Variants in ZNHIT3 observed in about 807,000 individuals in gnomAD.
ZNHIT3 encodes zinc finger HIT-type containing 3.
ZNHIT3 carries 27 observed loss-of-function variants against 19.9 expected under a neutral mutation model. The ratio of observed to expected loss-of-function variants is 1.36; its 90% CI spans 1.00 to 1.87. The LOEUF (loss-of-function observed/expected upper bound fraction) is 1.87. Ranked by LOEUF, ZNHIT3 falls within the 40% of genes most tolerant of loss-of-function variation. The probability of loss-of-function intolerance (pLI) is 0.00; values close to 1 mark genes in which losing one functional copy is unlikely to be tolerated. For missense variants in ZNHIT3, 215 were observed against 185.6 expected (o/e 1.16, Z -0.92); for synonymous variants, 81 against 65.7 (o/e 1.23, Z -1.13).
Position 36,493,998 on chromosome 17 carries a change from A to G in ZNHIT3, c.278A>G (p.Lys93Arg), listed in dbSNP as rs1415977522. ...GACAGAGTTTCTTTGCAGAATTTAAAGAATTTAGGTAAGTCTGTGCTATGC... is the reference window on the plus strand; with the variant it reads ...GACAGAGTTTCTTTGCAGAATTTAAGGAATTTAGGTAAGTCTGTGCTATGC... ...EEDRVSLQNL[K>R]NLGESATLRS... The change falls in exon 4 of 5, where the codon AAG becomes AGG. Residue 93 changes from lysine to arginine, a missense_variant. By Grantham distance (26) the Lys-to-Arg change is conservative (BLOSUM62 2). Coordinates refer to ENST00000617429, the MANE Select transcript of ZNHIT3 (RefSeq NM_004773.4). 27 of 1,610,676 alleles carry G rather than the reference A, an allele frequency of 1.7e-5. No homozygotes were observed. Among genetic ancestry groups the G allele is most frequent in the Non-Finnish European group, 2.3e-5 (27 of 1,177,046 alleles).
chr17:36,494,129 C>A, intron 4 of ZNHIT3, 123 bp downstream of exon 4: 1 of 685,730 alleles, frequency 1.5e-6, no homozygotes, highest in Non-Finnish European at 2.5e-6. Flanking sequence ...ACTATCTAGC[C>A]ACATAATCTG....
intron 2 of ZNHIT3, chr17:36,492,267 C>T (rs1462025345): frequency 6.5e-6 from 1 of 153,892 alleles, no homozygotes; most frequent in Non-Finnish European, 1.4e-5. Flanking sequence ...CCTGCCTCAG[C>T]CTCCCAAGTA....
chr17:36,488,217 C>T (rs1159677742), intron 2 of ZNHIT3, among the ~76,000 whole-genome samples: 1 of 151,562 alleles, frequency 6.6e-6, no homozygotes, highest in Non-Finnish European at 1.5e-5. Flanking sequence ...CCAACATCCT[C>T]ATTTGAGTTT....
At chr17:36,497,635 A>C, downstream of ZNHIT3, 1 of 761,138 alleles carries the variant, frequency 1.3e-6, no homozygotes, top group Non-Finnish European at 1.6e-6. Context: ...CCCAGGCTGG[A>C]GTGCAGCGGC....
intron 3 of ZNHIT3, chr17:36,493,265 GCTTT>G (rs1774824278): frequency 3.4e-6 from 1 of 292,624 alleles, no homozygotes; most frequent in Non-Finnish European, 6.4e-6. Flanking sequence ...CAGGCAGGAG[GCTTT>G]CTTTGTCCTA....
At chr17:36,498,829 A>G (rs539674899), downstream of ZNHIT3, 3 of 594,150 alleles carry the variant, frequency 5.0e-6, no homozygotes, top group East Asian at 2.8e-5. Flanking sequence ...CCAGTCTTCT[A>G]AAGTGTACAT....
downstream of ZNHIT3, chr17:36,496,356 G>T (rs1346084708): frequency 6.8e-6 from 11 of 1,613,884 alleles, no homozygotes; most frequent in Non-Finnish European, 9.3e-6. Context: ...GTTCAGGGCA[G>T]ATGTCAGCAT....
At chr17:36,498,981 T>C, downstream of ZNHIT3, 1 of 1,003,526 alleles carries the variant, frequency 1.0e-6, no homozygotes, top group Non-Finnish European at 1.5e-6. Flanking sequence ...CAAGGCCACC[T>C]GCATTGCAGT....
chr17:36,493,600 T>C (rs1252660372), intron 3 of ZNHIT3, among the ~76,000 whole-genome samples: 1 of 152,232 alleles, frequency 6.6e-6, no homozygotes, highest in Non-Finnish European at 1.5e-5. Flanking sequence ...GTTGGAGCCA[T>C]GTTGAGGTGG....
At position 36,493,879 on chromosome 17, in the gene ZNHIT3, A is replaced by G. The variant is rs1287566794; in HGVS notation, c.206-47A>G. ...AAGTAGTGGTTAAAATCTGGTGCCC[A>G]GGCCTCCTTTTTAGCCATGAGCCAT... On this transcript the variant is annotated intron_variant, in intron 3 of 4. Coordinates refer to ENST00000617429, the MANE Select transcript of ZNHIT3 (RefSeq NM_004773.4). The G allele has an allele frequency of 2.9e-6, 4 of 1,380,564 alleles. No individual in the cohort carries two copies. The East Asian group carries it at 6.9e-5, about 24-fold the overall frequency. 85.5% of individuals were successfully genotyped at this position (1,380,564 alleles called of 1,614,324 possible).
At chr17:36,491,807 C>T (rs989348836) in intron 2 of ZNHIT3, 17 of 152,188 alleles carry the variant, frequency 1.1e-4, no homozygotes, top group Admixed American at 7.9e-4. Context: ...TCCTTCAGTC[C>T]CTCCTGCTGT....
chr17:36,487,162 C>T (rs1043698200), intron 2 of ZNHIT3, among the ~76,000 whole-genome samples, 196 bp downstream of exon 2: 1 of 152,158 alleles, frequency 6.6e-6, no homozygotes, highest in South Asian at 2.1e-4. Context: ...TCTGTTGTCC[C>T]TGCCTGTAAT....
chr17:36,494,946 G>GT (rs754986144), intron 4 of ZNHIT3, among the ~76,000 whole-genome samples: 2 of 152,138 alleles, frequency 1.3e-5, no homozygotes, highest in Non-Finnish European at 2.9e-5. Context: ...CCAAGAACTG[G>GT]TATCTGTTAC....
chr17:36,490,433 A>G (rs1247643018), intron 2 of ZNHIT3: 1 of 152,102 alleles, frequency 6.6e-6, no homozygotes, highest in Non-Finnish European at 1.5e-5. Context: ...ATTCTGTTCC[A>G]TTGATCTATG....
At chr17:36,498,646 A>T (rs766751655), downstream of ZNHIT3, 242 of 1,421,386 alleles carry the variant, frequency 1.7e-4, no homozygotes, top group Middle Eastern at 2.3e-4. Flanking sequence ...TTAACAAATC[A>T]TCTTAACAAG....
chr17:36,487,686 G>A (rs1324249861), intron 2 of ZNHIT3, among the ~76,000 whole-genome samples: 1 of 152,106 alleles, frequency 6.6e-6, no homozygotes, highest in East Asian at 1.9e-4. Flanking sequence ...AGCTACTCAG[G>A]AGGCTGAGGC....
downstream of ZNHIT3, chr17:36,495,950 T>G: frequency 2.1e-6 from 2 of 961,818 alleles, no homozygotes; most frequent in Non-Finnish European, 2.7e-6. Context: ...CCCAGTGTAG[T>G]GACAGACAGT....
At position 36,495,658 on chromosome 17, in the gene ZNHIT3, T is replaced by G; in HGVS notation, c.*254T>G. 7.8e-7 allele frequency: 1 copy of G among 1,289,454 alleles called. No homozygotes were observed. The highest frequency in any genetic ancestry group is 9.8e-7 in the Non-Finnish European group (1 of 1,022,038). The allele number at this position is 1,289,454 out of a possible 1,614,324, so 79.9% of individuals were successfully genotyped here. On this transcript the variant is annotated 3_prime_UTR_variant, in exon 5 of 5. Coordinates refer to ENST00000617429, the MANE Select transcript of ZNHIT3 (RefSeq NM_004773.4). ...TGATTGTTTTTAAATGTTTTACTTT[T>G]GGTACAGTTGATAGACATCATAAAC...
At position 36,492,804 on chromosome 17, in the gene ZNHIT3, C is replaced by A. The variant is rs1176951310; in HGVS notation, c.119-9C>A. ...GGTAATGTGGGCCTGGGATTTGTGT[C>A]TTTTTCAGAACAGTGCAACCCTGAA... On this transcript the variant is annotated splice_polypyrimidine_tract_variant and intron_variant, in intron 2 of 4. Transcript: ENST00000617429. 6.2e-7 allele frequency: 1 copy of A among 1,612,928 alleles called. No homozygotes were observed. The highest frequency in any genetic ancestry group is 1.1e-5 in the South Asian group (1 of 90,946).
Sources: allele counts gnomAD v4.1 joint callset (sites outside exome capture counted in the v4.1 genomes callset), GRCh38; gene constraint gnomAD v4.1.1; transcripts MANE v1.5; gene names NCBI Gene and HGNC (gene_info 2026-07-23, HGNC 2026-07-21).